Variants in SS18L2 observed in about 807,000 individuals in gnomAD.
SS18L2 encodes the protein SS18 like 2, also known as SS18-like protein 2.
A neutral mutation model predicts 10.3 loss-of-function variants in SS18L2; 8 were observed. That is an observed-to-expected ratio of 0.78 (90% CI 0.46 to 1.41). SS18L2 has a LOEUF of 1.41. SS18L2 is among the 40% of genes most tolerant of loss of function. The pLI is 0.00. For missense variants in SS18L2, 100 were observed against 96.2 expected, an observed-to-expected ratio of 1.04 and a Z score of -0.17; for synonymous variants, 41 against 34.6, an observed-to-expected ratio of 1.19 and a Z score of -0.65.
chr3:42,588,401 T>C (rs980264113), upstream of SS18L2, among the ~76,000 whole-genome samples: 2 of 152,096 alleles, frequency 1.3e-5, no homozygotes, highest in Non-Finnish European at 2.9e-5. Flanking sequence ...TAAGACTTTG[T>C]ATCAAAAAAC....
chr3:42,591,446 G>T (rs1427438193), intron 1 of SS18L2, 79 bp from the exon 2 acceptor site: 1 of 1,022,904 alleles, frequency 9.8e-7, no homozygotes. Flanking sequence ...GCCTAGATCG[G>T]CCTCCCAAAG....
Position 42,595,979 on chromosome 3 carries a change from G to A in SS18L2, c.*1470G>A, listed in dbSNP as rs933287325. ...TAGCACTAATGTGCTGAGGGCTCTG[G>A]CTCTTTCTTTTTTCTTTTTCTTCTT... On this transcript the variant is annotated 3_prime_UTR_variant, in exon 3 of 3. Coordinates refer to ENST00000011691, the MANE Select transcript of SS18L2 (RefSeq NM_001370300.1). Among the ~76,000 whole-genome samples, 1 of 152,050 alleles carries A rather than the reference G, an allele frequency of 6.6e-6. No homozygotes were observed. The highest frequency in any genetic ancestry group is 6.5e-5 in the Admixed American group (1 of 15,268).
rs1174256245 is a variant in SS18L2, at chr3:42,595,163, T to C, written c.*654T>C. 1.3e-5 allele frequency: 2 copies of C among 152,238 alleles called. No individual in the cohort carries two copies. Among genetic ancestry groups the C allele is most frequent in the African/African-American group, 4.8e-5 (2 of 41,468 alleles). The allele number at this position is 152,238 out of a possible 1,614,324, so 9.4% of individuals were successfully genotyped here. A position where few individuals can be genotyped will look rare whatever the true frequency, so the allele number is the denominator to read the frequency against. ...TCTAATATCATCTGATAATAGATGA[T>C]GTTTAATTTTCTTCAGTTATCAGAT... On this transcript the variant is annotated 3_prime_UTR_variant, in exon 3 of 3. Transcript: ENST00000011691.
intron 2 of SS18L2, 130 bp from the exon 3 acceptor site, chr3:42,594,292 A>C: frequency 1.5e-6 from 1 of 659,166 alleles, no homozygotes; most frequent in Non-Finnish European, 2.7e-6. Context: ...TTAAACAAGA[A>C]GGTTGATAAC....
rs1705027517 is a variant in SS18L2, at chr3:42,596,271, C to G, written c.*1762C>G. On this transcript the variant is annotated 3_prime_UTR_variant, in exon 3 of 3. Transcript: ENST00000011691. Reference sequence around the variant, plus strand: ...TCACGACCTCAGGTGATCCACCTGCCTCAGCCTCCTAGAGTGCTGGGATTA... The same window carrying G: ...TCACGACCTCAGGTGATCCACCTGCGTCAGCCTCCTAGAGTGCTGGGATTA... Among the ~76,000 whole-genome samples, 1 of 152,226 alleles carries G rather than the reference C, an allele frequency of 6.6e-6. No individual in the cohort carries two copies. The highest frequency in any genetic ancestry group is 2.1e-4 in the South Asian group (1 of 4,834).
At chr3:42,587,809 C>T (rs59659186), upstream of SS18L2, among the ~76,000 whole-genome samples, 438 of 152,070 alleles carry the variant, frequency 2.9e-3, 1 homozygote, top group African/African-American at 0.01. Context: ...CTGTGGCTCA[C>T]ACCTGTAATC....
upstream of SS18L2, among the ~76,000 whole-genome samples, chr3:42,589,909 C>T (rs758873102): frequency 1.8e-4 from 27 of 152,212 alleles, no homozygotes; most frequent in Non-Finnish European, 3.5e-4. Context: ...CCAGCTTCCT[C>T]CTTGCATCTT....
At chr3:42,584,040 A>G (rs1022550898) in intron 1 of SS18L2, among the ~76,000 whole-genome samples, 1 of 152,172 alleles carries the variant, frequency 6.6e-6, no homozygotes, top group African/African-American at 2.4e-5. Flanking sequence ...CTGGTTCTCC[A>G]GCTTGTAGAT....
intron 2 of SS18L2, 92 bp from the exon 3 acceptor site, chr3:42,594,330 C>T: frequency 1.1e-6 from 1 of 894,644 alleles, no homozygotes; most frequent in Non-Finnish European, 1.8e-6. Flanking sequence ...GTGGATGAGC[C>T]ATTCCACTAG....
At chr3:42,593,844 A>C (rs1704944646) in intron 2 of SS18L2, among the ~76,000 whole-genome samples, 1 of 152,186 alleles carries the variant, frequency 6.6e-6, no homozygotes, top group Non-Finnish European at 1.5e-5. Context: ...ATGCAGTAGT[A>C]AGGCATAGTG....
chr3:42,587,581 A>G (rs1311670630), upstream of SS18L2: 1 of 151,920 alleles, frequency 6.6e-6, no homozygotes, highest in Non-Finnish European at 1.5e-5. Context: ...AAAAAAATAC[A>G]AAAAATTAGC....
chr3:42,591,360 G>A (rs1220608121), intron 1 of SS18L2, 165 bp from the exon 2 acceptor site: 1 of 608,044 alleles, frequency 1.6e-6, no homozygotes, highest in Admixed American at 2.8e-5. Context: ...CGCCACTCCC[G>A]GCTAATTTTT....
chr3:42,589,392 G>C (rs769922276), upstream of SS18L2, among the ~76,000 whole-genome samples: 2 of 152,188 alleles, frequency 1.3e-5, no homozygotes, highest in Non-Finnish European at 2.9e-5. Context: ...CCACTCAGGG[G>C]AATAAAGCTC....
upstream of SS18L2, among the ~76,000 whole-genome samples, chr3:42,586,585 TAA>T (rs35415799): frequency 6.4e-5 from 9 of 139,700 alleles, no homozygotes; most frequent in Non-Finnish European, 9.3e-5. Flanking sequence ...AGTCACTGTT[TAA>T]AAAAAAAAAA....
chr3:42,585,508 C>G (rs370058503), intron 1 of SS18L2, among the ~76,000 whole-genome samples: 3 of 152,216 alleles, frequency 2.0e-5, no homozygotes, highest in Non-Finnish European at 4.4e-5. Flanking sequence ...CATGGTTTCT[C>G]TAGCCTGCAG....
chr3:42,581,927 C>T (rs368242581), exon 1 of SS18L2: 4 of 152,224 alleles, frequency 2.6e-5, no homozygotes, highest in African/African-American at 7.3e-5. Flanking sequence ...ACCGGGAGGG[C>T]TCGGCCCAGG....
chr3:42,588,071 C>CA, upstream of SS18L2, among the ~76,000 whole-genome samples: 1 of 148,312 alleles, frequency 6.7e-6, no homozygotes, highest in South Asian at 2.2e-4. Flanking sequence ...GAAACTGTCT[C>CA]AAAAAAACAA....
chr3:42,581,919 C>A (rs1051653067), exon 1 of SS18L2: 1 of 152,252 alleles, frequency 6.6e-6, no homozygotes, highest in African/African-American at 2.4e-5. Context: ...CTTAGCCGAC[C>A]GGGAGGGCTC....
At position 42,591,269 on chromosome 3, in the gene SS18L2, G is replaced by A. The variant is rs563738096; in HGVS notation, c.70-256G>A. Reference sequence around the variant, plus strand: ...GGCTGGAGTGCAGTGGTGCATCTTGGCTCACTGAAACCACCGCTTCCTGGC... The same window carrying A: ...GGCTGGAGTGCAGTGGTGCATCTTGACTCACTGAAACCACCGCTTCCTGGC... On this transcript the variant is annotated intron_variant, in intron 1 of 2. Transcript: ENST00000011691. The A allele has an allele frequency of 4.2e-5, 24 of 578,022 alleles. No individual in the cohort carries two copies. The African/African-American group carries it at 4.8e-4, about 12-fold the overall frequency. 35.8% of individuals were successfully genotyped at this position (578,022 alleles called of 1,614,324 possible).
Sources: gnomAD v4.1 joint callset for allele counts (sites outside exome capture counted in the v4.1 genomes callset) on GRCh38, gnomAD v4.1.1 for gene constraint, MANE v1.5 for transcripts, NCBI Gene and HGNC (gene_info 2026-07-23, HGNC 2026-07-21) for gene names.